PDE4D: variants seen among roughly 807,000 people sequenced by gnomAD.
The protein encoded by PDE4D is phosphodiesterase 4D.
A neutral mutation model predicts 87.4 loss-of-function variants in PDE4D; 24 were observed. That is an observed-to-expected ratio of 0.27 (90% CI 0.20 to 0.39). PDE4D has a LOEUF of 0.39. Ranked by LOEUF, PDE4D falls within the 10% of genes least tolerant of loss-of-function variation. The pLI is 1.00. For synonymous variants in PDE4D, 384 were observed against 383.2 expected, an observed-to-expected ratio of 1.00 and a Z score of -0.02; for missense variants, 714 against 1,041.0, an observed-to-expected ratio of 0.69 and a Z score of 4.32.
intron 1 of PDE4D, among the ~76,000 whole-genome samples, chr5:59,818,643 G>A (rs935857581): frequency 2.0e-5 from 3 of 152,136 alleles, no homozygotes; most frequent in African/African-American, 7.2e-5. Context: ...CACGTGTTGT[G>A]AACTGCAAAG....
intron 1 of PDE4D, among the ~76,000 whole-genome samples, chr5:60,470,245 A>T (rs1406579817): frequency 2.0e-5 from 3 of 152,232 alleles, no homozygotes; most frequent in Non-Finnish European, 4.4e-5. Flanking sequence ...ACAAGGGCTG[A>T]GAGAGGTAAG....
At chr5:59,544,190 T>C (rs1040918805) in intron 1 of PDE4D, among the ~76,000 whole-genome samples, 12 of 152,180 alleles carry the variant, frequency 7.9e-5, no homozygotes, top group African/African-American at 2.9e-4. Context: ...AAAAGGCAAC[T>C]GGCAACACAT....
At chr5:59,971,730 C>A (rs991430232) in intron 3 of PDE4D, among the ~76,000 whole-genome samples, 4 of 152,178 alleles carry the variant, frequency 2.6e-5, no homozygotes, top group African/African-American at 9.6e-5. Flanking sequence ...AAAATTCAAT[C>A]TTCCCCTTTG....
chr5:60,295,563 T>C (rs2149782285), intron 1 of PDE4D, among the ~76,000 whole-genome samples: 1 of 152,272 alleles, frequency 6.6e-6, no homozygotes, highest in African/African-American at 2.4e-5. Context: ...CACTGCAGGA[T>C]GTTTAGCAGC....
chr5:60,502,016 A>C (rs1467806122), intron 1 of PDE4D, among the ~76,000 whole-genome samples: 1 of 151,794 alleles, frequency 6.6e-6, no homozygotes, highest in Non-Finnish European at 1.5e-5. Context: ...ATTAGATCCC[A>C]TTTGTCAATT....
intron 5 of PDE4D, among the ~76,000 whole-genome samples, chr5:59,065,149 C>T (rs1763740790): frequency 6.7e-6 from 1 of 148,780 alleles, no homozygotes; most frequent in South Asian, 2.1e-4. Flanking sequence ...TTATTCAGCC[C>T]TAAAAAAGGA....
At chr5:59,494,285 C>T (rs1373322697) in intron 1 of PDE4D, among the ~76,000 whole-genome samples, 1 of 152,126 alleles carries the variant, frequency 6.6e-6, no homozygotes, top group Non-Finnish European at 1.5e-5. Flanking sequence ...AGTCGTATAG[C>T]CATTAAACTT....
chr5:60,018,442 A>G (rs1287967644), intron 2 of PDE4D, among the ~76,000 whole-genome samples: 1 of 152,202 alleles, frequency 6.6e-6, no homozygotes, highest in Non-Finnish European at 1.5e-5. Context: ...AAGTCTGCAA[A>G]ATAACCAGCT....
intron 1 of PDE4D, among the ~76,000 whole-genome samples, chr5:59,597,107 T>G (rs1277709099): frequency 6.6e-6 from 1 of 152,194 alleles, no homozygotes; most frequent in Non-Finnish European, 1.5e-5. Context: ...AGTAACTATG[T>G]TCCCCCTTTT....
At chr5:59,599,236 C>T (rs369629399) in intron 1 of PDE4D, among the ~76,000 whole-genome samples, 3 of 142,268 alleles carry the variant, frequency 2.1e-5, no homozygotes, top group East Asian at 2.0e-4. Context: ...TTTGCTTTTT[C>T]TTTTTTTTTT....
chr5:59,489,043 T>G (rs1325397292), intron 1 of PDE4D, among the ~76,000 whole-genome samples: 4 of 151,966 alleles, frequency 2.6e-5, no homozygotes, highest in African/African-American at 9.7e-5. Context: ...TCCCAGCACT[T>G]TGGGAGGCTG....
At chr5:59,295,101 T>C (rs952602156) in intron 1 of PDE4D, among the ~76,000 whole-genome samples, 7 of 152,188 alleles carry the variant, frequency 4.6e-5, no homozygotes, top group Non-Finnish European at 8.8e-5. Context: ...TATCTTTTTT[T>C]CTCTCAGGTG....
chr5:60,044,723 C>T (rs1181096162), intron 2 of PDE4D, among the ~76,000 whole-genome samples: 3 of 152,214 alleles, frequency 2.0e-5, no homozygotes, highest in Non-Finnish European at 1.5e-5. Flanking sequence ...CATAGTATTG[C>T]ATGGTGTATA....
intron 1 of PDE4D, among the ~76,000 whole-genome samples, chr5:59,655,566 A>T (rs1744220143): frequency 6.6e-6 from 1 of 152,150 alleles, no homozygotes; most frequent in African/African-American, 2.4e-5. Flanking sequence ...TAGAGCAGTC[A>T]TTTCCAACCT....
chr5:60,503,302 C>A (rs1465373850), intron 1 of PDE4D, among the ~76,000 whole-genome samples: 3 of 152,102 alleles, frequency 2.0e-5, no homozygotes, highest in Non-Finnish European at 4.4e-5. Flanking sequence ...CTAGAGTATT[C>A]TGTCTATAGG....
intron 1 of PDE4D, among the ~76,000 whole-genome samples, chr5:60,419,054 C>T (rs770770640): frequency 4.9e-4 from 75 of 152,170 alleles, no homozygotes; most frequent in Non-Finnish European, 1.8e-4. Flanking sequence ...GCTACAGCCA[C>T]TAACACAGCT....
chr5:59,087,830 T>TCTAA (rs1028182844), intron 5 of PDE4D, among the ~76,000 whole-genome samples: 1 of 152,146 alleles, frequency 6.6e-6, no homozygotes, highest in African/African-American at 2.4e-5. Context: ...ATCTTTCCTT[T>TCTAA]CTAACTAACT....
intron 1 of PDE4D, among the ~76,000 whole-genome samples, chr5:59,238,846 G>A (rs142278152): frequency 6.6e-6 from 1 of 152,284 alleles, no homozygotes; most frequent in East Asian, 1.9e-4. Flanking sequence ...TGTGAGTTAA[G>A]GACAAAGGTA....
chr5:59,932,753 C>T (rs2152790017), intron 3 of PDE4D, among the ~76,000 whole-genome samples: 1 of 152,274 alleles, frequency 6.6e-6, no homozygotes. Context: ...ATCGATTCTA[C>T]ACTGGACTTA....
Sources: allele counts gnomAD v4.1 joint callset (sites outside exome capture counted in the v4.1 genomes callset), GRCh38; gene constraint gnomAD v4.1.1; transcripts MANE v1.5; gene names NCBI Gene and HGNC (gene_info 2026-07-23, HGNC 2026-07-21).